Variants in FNBP1 observed in about 807,000 individuals in gnomAD.
FNBP1 encodes formin-binding protein 1.
FNBP1 carries 26 observed loss-of-function variants against 90.6 expected under a neutral mutation model. That is an observed-to-expected ratio of 0.29 (90% confidence interval 0.21 to 0.40). The LOEUF (loss-of-function observed/expected upper bound fraction) is 0.40, where lower values mean the gene tolerates loss of function less well. Ranked by LOEUF, FNBP1 falls within the 10% of genes least tolerant of loss-of-function variation. The pLI is 1.00. For synonymous variants in FNBP1, 260 were observed against 265.2 expected, an observed-to-expected ratio of 0.98 and a Z score of 0.19; for missense variants, 635 against 768.0, an observed-to-expected ratio of 0.83 and a Z score of 2.05.
chr9:130,027,681 G>A (rs566876675), intron 1 of FNBP1, among the ~76,000 whole-genome samples: 1 of 152,068 alleles, frequency 6.6e-6, no homozygotes, highest in Non-Finnish European at 1.5e-5. Flanking sequence ...AGGCTGGGGG[G>A]ACCCAACTGC....
chr9:129,969,216 CTATCTA>C (rs2049065308), intron 4 of FNBP1, among the ~76,000 whole-genome samples: 1 of 152,204 alleles, frequency 6.6e-6, no homozygotes, highest in South Asian at 2.1e-4. Flanking sequence ...ATTTGGAAAT[CTATCTA>C]TAAGTCTGTA....
chr9:129,944,401 C>T (rs1204874715), intron 6 of FNBP1, among the ~76,000 whole-genome samples: 2 of 151,268 alleles, frequency 1.3e-5, no homozygotes, highest in Admixed American at 6.6e-5. Context: ...ATTAGCTGGG[C>T]GTCGTGGTGG....
chr9:130,025,913 G>A (rs2058298452), intron 1 of FNBP1, among the ~76,000 whole-genome samples: 1 of 152,126 alleles, frequency 6.6e-6, no homozygotes, highest in Non-Finnish European at 1.5e-5. Flanking sequence ...GACAGAGACA[G>A]ACTCTATCTC....
At chr9:130,019,202 C>G (rs919446403) in intron 1 of FNBP1, among the ~76,000 whole-genome samples, 1 of 151,536 alleles carries the variant, frequency 6.6e-6, no homozygotes, top group African/African-American at 2.4e-5. Flanking sequence ...ACTCCACTCC[C>G]GCCTGGATGA....
intron 2 of FNBP1, among the ~76,000 whole-genome samples, chr9:129,994,382 A>T (rs1038771560): frequency 1.3e-5 from 2 of 152,154 alleles, no homozygotes; most frequent in African/African-American, 4.8e-5. Context: ...CGCGGTTAGA[A>T]GTCAGGAGAG....
At chr9:129,965,523 C>T (rs1588930900) in intron 4 of FNBP1, among the ~76,000 whole-genome samples, 1 of 152,062 alleles carries the variant, frequency 6.6e-6, no homozygotes, top group Non-Finnish European at 1.5e-5. Flanking sequence ...CAGCAATGAT[C>T]TTTTATCTGT....
intron 7 of FNBP1, among the ~76,000 whole-genome samples, chr9:129,928,404 A>G (rs1272942834): frequency 1.3e-5 from 2 of 152,240 alleles, no homozygotes; most frequent in Non-Finnish European, 2.9e-5. Flanking sequence ...CACGCCTGTA[A>G]TCCCAGCACT....
At chr9:129,896,131 A>G in intron 15 of FNBP1, 135 bp from the exon 16 acceptor site, 1 of 822,820 alleles carries the variant, frequency 1.2e-6, no homozygotes, top group East Asian at 2.6e-5. Flanking sequence ...ACCTTCTCAG[A>G]TGCACGGACC....
rs2034986684 is a variant in FNBP1, at chr9:129,890,366, G to A, written c.*173C>T. The A allele has an allele frequency of 3.2e-6, 2 of 621,826 alleles. No homozygotes were observed. Among genetic ancestry groups the A allele is most frequent in the African/African-American group, 1.9e-5 (1 of 53,764 alleles). The allele number at this position is 621,826 out of a possible 1,614,324, so 38.5% of individuals were successfully genotyped here. ...TGTCCCCCACGAGGTGGCCCGGGCT[G>A]GGCGGGAGGGCAGGGCCGCAGGGAG... On this transcript the variant is annotated 3_prime_UTR_variant, in exon 17 of 17. Transcript: ENST00000446176. This position sits in a 1 kb window ranked among gnomAD's most constrained non-coding sequence, Gnocchi z 5.8.
intron 5 of FNBP1, 54 bp downstream of exon 5, chr9:129,958,437 A>T: frequency 7.4e-7 from 1 of 1,342,706 alleles, no homozygotes. Flanking sequence ...GTCTCAAAAA[A>T]AAAGAAAAAA....
In FNBP1 at chr9:129,924,960, CTTA is replaced by C; in HGVS notation, c.984_986del (p.Asn328del). On this transcript the variant is annotated inframe_deletion and splice_region_variant, in exon 9 of 17. Coordinates refer to ENST00000446176, the MANE Select transcript of FNBP1 (RefSeq NM_015033.3). Reference sequence around the variant, plus strand: ...CTCATTTCACGCCAACCATCAGTACCTTATTTTTTTTGATGAACGGCCATAACT... The same window carrying C: ...CTCATTTCACGCCAACCATCAGTACCTTTTTTTTGATGAACGGCCATAACT... The C allele has an allele frequency of 6.2e-7, 1 of 1,610,752 alleles. No homozygotes were observed. The highest frequency in any genetic ancestry group is 8.5e-7 in the Non-Finnish European group (1 of 1,178,242).
chr9:129,891,782 G>C (rs1008366767), intron 16 of FNBP1, among the ~76,000 whole-genome samples: 1 of 151,998 alleles, frequency 6.6e-6, no homozygotes, highest in African/African-American at 2.4e-5. Flanking sequence ...AAAAGCATTG[G>C]GCTAGAAAAT....
At chr9:130,023,733 T>C (rs1262679534) in intron 1 of FNBP1, among the ~76,000 whole-genome samples, 1 of 152,170 alleles carries the variant, frequency 6.6e-6, no homozygotes, top group African/African-American at 2.4e-5. Context: ...CTCTCGGTGA[T>C]GCCTACAGGA....
intron 12 of FNBP1, among the ~76,000 whole-genome samples, chr9:129,903,248 T>C (rs1376413680): frequency 1.3e-5 from 2 of 152,132 alleles, no homozygotes; most frequent in African/African-American, 4.8e-5. Context: ...GATGGGGTTT[T>C]GCCACGTTGG....
At chr9:130,012,211 C>T (rs754927620) in intron 1 of FNBP1, among the ~76,000 whole-genome samples, 1 of 152,204 alleles carries the variant, frequency 6.6e-6, no homozygotes, top group South Asian at 2.1e-4. Flanking sequence ...GGCTCTTTGA[C>T]TACTAGGTAT....
At chr9:129,947,230 C>G (rs1248107721) in intron 6 of FNBP1, among the ~76,000 whole-genome samples, 1 of 152,074 alleles carries the variant, frequency 6.6e-6, no homozygotes. Context: ...CACCTGAGGT[C>G]AGGAGATCGA....
intron 8 of FNBP1, among the ~76,000 whole-genome samples, chr9:129,926,216 C>T (rs968121884): frequency 6.6e-6 from 1 of 152,158 alleles, no homozygotes; most frequent in Non-Finnish European, 1.5e-5. Flanking sequence ...AAGTGATCCA[C>T]CCGCTCCGGC....
chr9:129,897,169 G>A (rs1036523422), intron 15 of FNBP1, among the ~76,000 whole-genome samples: 63 of 152,170 alleles, frequency 4.1e-4, no homozygotes, highest in Non-Finnish European at 2.4e-4. Context: ...AGCCGTCTTG[G>A]ATTTCCTCTC....
chr9:130,030,860 A>C (rs376200637), intron 1 of FNBP1, among the ~76,000 whole-genome samples: 7 of 152,292 alleles, frequency 4.6e-5, no homozygotes, highest in African/African-American at 1.7e-4. Flanking sequence ...TGCTAGCTTA[A>C]AAGAGCTGGG....
Sources: allele counts gnomAD v4.1 joint callset (sites outside exome capture counted in the v4.1 genomes callset), GRCh38; gene constraint gnomAD v4.1.1; non-coding constraint Gnocchi (gnomAD v3.1); transcripts MANE v1.5; gene names NCBI Gene and HGNC (gene_info 2026-07-23, HGNC 2026-07-21).